EFCAB6: variants seen among roughly 807,000 people sequenced by gnomAD.
EFCAB6 encodes the protein EF-hand calcium binding domain 6.
A neutral mutation model predicts 169.8 loss-of-function variants in EFCAB6; 156 were observed. The ratio of observed to expected loss-of-function variants is 0.92; its 90% CI spans 0.81 to 1.05. EFCAB6 has a LOEUF of 1.05. Ranked by LOEUF, EFCAB6 falls within the 50% of genes least tolerant of loss-of-function variation. EFCAB6 has a pLI of 0.00. For missense variants in EFCAB6, 1,800 were observed against 1,829.1 expected (o/e 0.98, Z 0.29); for synonymous variants, 698 against 676.4 (o/e 1.03, Z -0.50).
At chr22:43,619,411 A>G (rs4823124) in intron 20 of EFCAB6, among the ~76,000 whole-genome samples, 78,442 of 151,932 alleles carry the variant, frequency 0.52, 20,625 homozygotes, top group East Asian at 0.63. Flanking sequence ...AAAATATCTA[A>G]GATACAGTCC....
chr22:43,578,651 C>T (rs1262562452), intron 25 of EFCAB6, among the ~76,000 whole-genome samples: 1 of 152,050 alleles, frequency 6.6e-6, no homozygotes, highest in Non-Finnish European at 1.5e-5. Flanking sequence ...TACATGTAGG[C>T]ATCATACCCT....
intron 26 of EFCAB6, among the ~76,000 whole-genome samples, chr22:43,574,433 T>C (rs1420528526): frequency 6.6e-6 from 1 of 152,112 alleles, no homozygotes; most frequent in Non-Finnish European, 1.5e-5. Context: ...TGGGAGCCTG[T>C]CTACTCCGCC....
At chr22:43,692,453 A>G (rs1465156411) in intron 10 of EFCAB6, among the ~76,000 whole-genome samples, 1 of 152,252 alleles carries the variant, frequency 6.6e-6, no homozygotes, top group East Asian at 1.9e-4. Context: ...GGATTTTAAA[A>G]GCAATGATTA....
chr22:43,672,984 C>G (rs909989368), intron 13 of EFCAB6, among the ~76,000 whole-genome samples: 1 of 152,070 alleles, frequency 6.6e-6, no homozygotes, highest in Non-Finnish European at 1.5e-5. Context: ...AGAAGAATAA[C>G]GAGATGGTAT....
At chr22:43,700,065 G>C (rs1400387219) in intron 10 of EFCAB6, among the ~76,000 whole-genome samples, 1 of 152,112 alleles carries the variant, frequency 6.6e-6, no homozygotes, top group Non-Finnish European at 1.5e-5. Context: ...TTATTTTATA[G>C]GAAAAGCTAG....
intron 3 of EFCAB6, among the ~76,000 whole-genome samples, chr22:43,776,540 C>T (rs1004475529): frequency 6.6e-6 from 1 of 152,154 alleles, no homozygotes; most frequent in Admixed American, 6.5e-5. Flanking sequence ...AGGAAGTCTG[C>T]TCCAAAGTGG....
At chr22:43,595,888 G>T (rs980443906) in intron 23 of EFCAB6, among the ~76,000 whole-genome samples, 3 of 152,076 alleles carry the variant, frequency 2.0e-5, no homozygotes, top group African/African-American at 7.2e-5. Context: ...ACATTAAAAG[G>T]ACCATTCACC....
intron 5 of EFCAB6, among the ~76,000 whole-genome samples, chr22:43,763,619 C>T (rs577655993): frequency 6.6e-6 from 1 of 152,016 alleles, no homozygotes; most frequent in Non-Finnish European, 1.5e-5. Context: ...TTTTTTTAAT[C>T]CCCTTAGGAA....
chr22:43,563,568 A>T (rs1198018838), intron 26 of EFCAB6, among the ~76,000 whole-genome samples: 1 of 152,212 alleles, frequency 6.6e-6, no homozygotes, highest in African/African-American at 2.4e-5. Flanking sequence ...CTGTCTCAAA[A>T]CAAAAACAAA....
intron 21 of EFCAB6, among the ~76,000 whole-genome samples, chr22:43,614,603 T>C (rs1407173083): frequency 6.6e-6 from 1 of 152,248 alleles, no homozygotes; most frequent in Non-Finnish European, 1.5e-5. Flanking sequence ...TGAAAGGTTC[T>C]AGTCCCGACC....
chr22:43,673,551 G>A (rs1276861478), intron 13 of EFCAB6, among the ~76,000 whole-genome samples: 3 of 152,084 alleles, frequency 2.0e-5, no homozygotes, highest in Admixed American at 6.5e-5. Flanking sequence ...CAAAGTGGGC[G>A]GAACACCTGA....
intron 25 of EFCAB6, among the ~76,000 whole-genome samples, chr22:43,579,402 G>GCAGGCATCATTCCCTA (rs2050528909): frequency 6.3e-5 from 5 of 79,630 alleles, no homozygotes; most frequent in Admixed American, 2.4e-4. Context: ...ATCATTCCCT[G>GCAGGCATCATTCCCTA]CATGCAGGCA....
chr22:43,689,655 T>C (rs1603225239), intron 10 of EFCAB6, among the ~76,000 whole-genome samples: 1 of 152,170 alleles, frequency 6.6e-6, no homozygotes, highest in Non-Finnish European at 1.5e-5. Context: ...GCCTCCCCTT[T>C]TGTTCCTCTC....
chr22:43,576,551 T>C (rs753337785), intron 25 of EFCAB6, 63 bp from the exon 26 acceptor site: 41 of 1,386,058 alleles, frequency 3.0e-5, no homozygotes, highest in Non-Finnish European at 3.6e-5. Context: ...CTAAAACACT[T>C]TCCTTAAGTA....
chr22:43,631,466 G>T (rs997268118), intron 19 of EFCAB6, among the ~76,000 whole-genome samples: 1 of 151,996 alleles, frequency 6.6e-6, no homozygotes, highest in Non-Finnish European at 1.5e-5. Context: ...GTCCCGGCCT[G>T]GCTCAGGCTG....
At chr22:43,567,363 T>A (rs2147176837) in intron 26 of EFCAB6, among the ~76,000 whole-genome samples, 1 of 152,314 alleles carries the variant, frequency 6.6e-6, no homozygotes, top group East Asian at 1.9e-4. Flanking sequence ...AAGTCATTTA[T>A]AAAAACTATT....
intron 26 of EFCAB6, among the ~76,000 whole-genome samples, chr22:43,557,970 GGGAT>G (rs1191451524): frequency 2.0e-5 from 3 of 152,212 alleles, no homozygotes; most frequent in East Asian, 1.9e-4. Flanking sequence ...GAAATAGAAT[GGGAT>G]GGATGAACTA....
intron 19 of EFCAB6, among the ~76,000 whole-genome samples, chr22:43,630,446 T>C (rs1312513319): frequency 6.6e-6 from 1 of 152,204 alleles, no homozygotes; most frequent in African/African-American, 2.4e-5. Context: ...GCTTCACTGA[T>C]CGTAAAGATA....
At chr22:43,579,707 T>TAGGCATCATTCCATACATGC (rs1190545921) in intron 25 of EFCAB6, among the ~76,000 whole-genome samples, 111 of 135,858 alleles carry the variant, frequency 8.2e-4, no homozygotes, top group African/African-American at 3.1e-3. Flanking sequence ...TCCATACACA[T>TAGGCATCATTCCATACATGC]AGGCATCATT....
Sources: allele counts gnomAD v4.1 joint callset (sites outside exome capture counted in the v4.1 genomes callset), GRCh38; gene constraint gnomAD v4.1.1; transcripts MANE v1.5; gene names NCBI Gene and HGNC (gene_info 2026-07-23, HGNC 2026-07-21).